Variants in POLE observed in about 807,000 individuals in gnomAD.
POLE encodes DNA polymerase epsilon catalytic subunit A.
POLE carries 188 observed loss-of-function variants against 279.2 expected under a neutral mutation model. That is an observed-to-expected ratio of 0.67 (90% CI 0.60 to 0.76). The LOEUF (loss-of-function observed/expected upper bound fraction) is 0.76. Ranked by LOEUF, POLE falls within the 30% of genes least tolerant of loss-of-function variation. The pLI is 0.00. For missense variants in POLE, 2,703 were observed against 3,016.7 expected (o/e 0.90, Z 2.44); for synonymous variants, 1,214 against 1,172.5 (o/e 1.04, Z -0.72).
At position 132,657,401 on chromosome 12, in the gene POLE, C is replaced by A. The variant is rs761355093; in HGVS notation, c.3407G>T (p.Arg1136Leu). ...AILDWDYYIE[R>L]LGSAIQKIIT... ...GATCTTCTGGATGGCGCTTCCCAGC[C>A]GCTCAATGTAGTAGTCCCAATCCAG... Residue 1136 changes from arginine to leucine, a missense_variant, in exon 28 of 49, where the codon CGG (arginine) becomes CTG (leucine). By Grantham distance (102) the Arg-to-Leu change is moderately radical. Transcript: ENST00000320574. 1 of 1,614,096 alleles carries A rather than the reference C, an allele frequency of 6.2e-7. No individual in the cohort carries two copies. The highest frequency in any genetic ancestry group is 8.5e-7 in the Non-Finnish European group (1 of 1,180,028).
At chr12:132,667,171 C>A (rs963028982) in intron 20 of POLE, among the ~76,000 whole-genome samples, 1 of 152,084 alleles carries the variant, frequency 6.6e-6, no homozygotes, top group Non-Finnish European at 1.5e-5. Flanking sequence ...CCCATGACAG[C>A]GGGAAAGAGA....
At chr12:132,633,841 C>T (rs186018329) in intron 43 of POLE, 762 of 208,294 alleles carry the variant, frequency 3.7e-3, no homozygotes, top group Non-Finnish European at 5.2e-3. Flanking sequence ...CGTGCACACA[C>T]ACAAATGTTC....
chr12:132,677,824 G>A, intron 6 of POLE, 105 bp from the exon 7 acceptor site: 3 of 1,093,100 alleles, frequency 2.7e-6, no homozygotes, highest in East Asian at 2.4e-5. Flanking sequence ...TTCAAACCGA[G>A]GAAACACAAA....
chr12:132,681,204 C>G lies in POLE; in HGVS notation c.138G>C (p.Leu46Phe), dbSNP rs200611521. ...ERSQWTDKMD[L>F]RFGFERLKEP... ...CCTTCAGCCGCTCAAAACCAAACCG[C>G]AAATCCATCTTATCCGTCCACTGAC... The change falls in exon 2 of 49, where the codon TTG becomes TTC. Residue 46 changes from leucine (L) to phenylalanine (F), a missense_variant. Physicochemically the swap from Leu to Phe is conservative, Grantham distance 22. Transcript: ENST00000320574. The G allele has an allele frequency of 1.2e-6, 2 of 1,614,196 alleles. No individual in the cohort carries two copies. Among genetic ancestry groups the G allele is most frequent in the Non-Finnish European group, 1.7e-6 (2 of 1,180,042 alleles).
Position 132,676,014 on chromosome 12 carries a change from G to T in POLE, c.1020+80C>A. On this transcript the variant is annotated intron_variant, in intron 10 of 48. Coordinates refer to ENST00000320574, the MANE Select transcript of POLE (RefSeq NM_006231.4). ...ATGGAGCTGCAATTCTGATCTGACG[G>T]AATGCCTGAGGCCTTGGAAAGATCC... 4.9e-6 allele frequency: 5 copies of T among 1,021,656 alleles called. No individual in the cohort carries two copies. The Admixed American group carries it at 6.1e-5, about 13-fold the overall frequency. 63.3% of individuals were successfully genotyped at this position (1,021,656 alleles called of 1,614,324 possible).
intron 46 of POLE, 94 bp downstream of exon 46, chr12:132,626,023 C>G (rs2041830878): frequency 7.7e-7 from 1 of 1,294,726 alleles, no homozygotes; most frequent in Non-Finnish European, 1.1e-6. Context: ...GCAGGTGTGA[C>G]CCACAGAGCT....
chr12:132,674,853 CCCTT>C lies in POLE; in HGVS notation c.1226+541_1226+544del, dbSNP rs1396818107. On this transcript the variant is annotated intron_variant, in intron 12 of 48. Transcript: ENST00000320574. ...CCTCCCTTCCCTTCCTTCCCTCCCT[CCCTT>C]CCCTTCCTTCCCTTCCCTCCTTTCC... 1.9e-4 allele frequency among the ~76,000 whole-genome samples: 28 copies of C among 145,704 alleles called. No individual in the cohort carries two copies. The East Asian group carries it at 4.8e-3, about 25-fold the overall frequency.
rs754773239 is a variant in POLE, at chr12:132,632,767, C to T, written c.6033G>A (p.Met2011Ile). 1.2e-6 allele frequency: 2 copies of T among 1,611,616 alleles called. No homozygotes were observed. Among genetic ancestry groups the T allele is most frequent in the Non-Finnish European group, 1.7e-6 (2 of 1,179,908 alleles). The stretch of plus-strand genomic sequence containing the variant: ...GAGCACTGCGCCTCAGCCCGTCCTT[C>T]ATGCAGTGGTACACGGCCACGATGT... ...SAYIVAVYHC[M>I]KDGLRRSAPG... The change falls in exon 44 of 49, where the codon ATG becomes ATA. Residue 2011 changes from methionine (M) to isoleucine (I), a missense_variant. Met to Ile is a conservative substitution (Grantham distance 10, BLOSUM62 1). This residue lies in a region of POLE where 1,551 missense variants were observed against 1,686.1 expected (regional missense o/e 0.92). Transcript: ENST00000320574.
chr12:132,655,329 A>C (rs1353473579), intron 29 of POLE, among the ~76,000 whole-genome samples: 1 of 151,800 alleles, frequency 6.6e-6, no homozygotes, highest in Non-Finnish European at 1.5e-5. Flanking sequence ...TTTTTTCTTA[A>C]ATTTCCAAAC....
Position 132,675,448 on chromosome 12 carries a change from G to C in POLE, c.1176C>G (p.Asp392Glu), listed in dbSNP as rs752873913. ...GGGGCGCCTTGTACTCCCCCTGGCT[G>C]TCCTTCTGGAAGCCTATCTCCTGCT... ...SMQQEIGFQK[D>E]SQGEYKAPQC... Residue 392 changes from aspartate to glutamate, a missense_variant, in exon 12 of 49, where the codon GAC becomes GAG. By Grantham distance (45) the Asp-to-Glu change is conservative (BLOSUM62 2). This residue lies in a region of POLE where 1,011 missense variants were observed against 1,111.7 expected (regional missense o/e 0.91). Coordinates refer to ENST00000320574, the MANE Select transcript of POLE (RefSeq NM_006231.4). The surrounding 1 kb of genome is among the most constrained non-coding windows in gnomAD (Gnocchi z 4.3). 6.2e-7 allele frequency: 1 copy of C among 1,614,162 alleles called. No individual in the cohort carries two copies. The highest frequency in any genetic ancestry group is 1.1e-5 in the South Asian group (1 of 91,086).
intron 20 of POLE, among the ~76,000 whole-genome samples, chr12:132,666,519 C>T (rs1414056949): frequency 6.6e-6 from 1 of 152,234 alleles, no homozygotes; most frequent in Admixed American, 6.5e-5. Context: ...GAGGTGGAGG[C>T]TGCAGTGAGC....
chr12:132,668,559 C>A lies in POLE; in HGVS notation c.2027-57G>T. 1.3e-6 allele frequency: 2 copies of A among 1,583,074 alleles called. No individual in the cohort carries two copies. Among genetic ancestry groups the A allele is most frequent in the Non-Finnish European group, 8.6e-7 (1 of 1,159,336 alleles). ...AGGAGGCACAGACACACCGGCTTCC[C>A]ACCAAGTGGAGAAAGGCGGCCGACA... is the stretch of plus-strand genomic sequence containing the variant. On this transcript the variant is annotated intron_variant, in intron 18 of 48. Coordinates refer to ENST00000320574, the MANE Select transcript of POLE (RefSeq NM_006231.4). This position sits in a 1 kb window ranked among gnomAD's most constrained non-coding sequence, Gnocchi z 4.0.
intron 1 of POLE, among the ~76,000 whole-genome samples, chr12:132,683,446 G>A (rs79637518): frequency 1.1e-3 from 167 of 152,206 alleles, no homozygotes; most frequent in Non-Finnish European, 1.4e-3. Flanking sequence ...TTCATATTAC[G>A]ACTTCTGACT....
In POLE at chr12:132,639,238, A is replaced by AAC; in HGVS notation, c.5438_5439insGT (p.Tyr1813Ter). ...AGAAGTGCATCACCTGGTTGTCTGC[A>AAC]TAGATGTTGTGGTACTGGGTGATCT... ...VKEITQYHNI[Y>*]ADNQVMHFYR... is the part of the protein sequence containing the mutation. The change falls in exon 40 of 49, where the codon TAT becomes TAGTT. Residue 1813 changes from tyrosine to a stop codon, truncating the protein, a stop_gained and frameshift_variant. Transcript: ENST00000320574. LOFTEE classifies it high-confidence loss of function. The surrounding 1 kb of genome is among the most constrained non-coding windows in gnomAD (Gnocchi z 4.7). 6.2e-7 allele frequency: 1 copy of AAC among 1,614,178 alleles called. No individual in the cohort carries two copies. Among genetic ancestry groups the AAC allele is most frequent in the Middle Eastern group, 1.6e-4 (1 of 6,062 alleles).
Position 132,639,402 on chromosome 12 carries a change from G to C in POLE, c.5379-104C>G. 9.2e-7 allele frequency: 1 copy of C among 1,089,394 alleles called. No homozygotes were observed. The highest frequency in any genetic ancestry group is 1.3e-6 in the Non-Finnish European group (1 of 754,210). The allele number at this position is 1,089,394 out of a possible 1,614,324, so 67.5% of individuals were successfully genotyped here. On this transcript the variant is annotated intron_variant, in intron 39 of 48. Transcript: ENST00000320574. The surrounding 1 kb of genome is among the most constrained non-coding windows in gnomAD (Gnocchi z 4.7). ...GGCACAGGTTTTCCCTACACGGCTG[G>C]GTCCAAATCCGTCACTGTCGCCTCC...
In POLE at chr12:132,680,056, A is replaced by T; in HGVS notation, c.331-10T>A. 6.2e-7 allele frequency: 1 copy of T among 1,612,100 alleles called. No individual in the cohort carries two copies. Among genetic ancestry groups the T allele is most frequent in the Non-Finnish European group, 8.5e-7 (1 of 1,178,466 alleles). On this transcript the variant is annotated splice_polypyrimidine_tract_variant and intron_variant, in intron 4 of 48. Transcript: ENST00000320574. ...CTTCTCGCTCACAACCCTAATCAGGATCAGAATGAAAAGGCTTTCCATTGG... is the reference window on the plus strand; with the variant it reads ...CTTCTCGCTCACAACCCTAATCAGGTTCAGAATGAAAAGGCTTTCCATTGG...
chr12:132,666,243 A>G (rs918164985), intron 20 of POLE, among the ~76,000 whole-genome samples: 1 of 152,248 alleles, frequency 6.6e-6, no homozygotes, highest in Admixed American at 6.5e-5. Context: ...TTATTCAGCC[A>G]TTTACAAAAA....
intron 40 of POLE, chr12:132,638,885 C>CT: frequency 1.9e-6 from 1 of 538,670 alleles, no homozygotes; most frequent in Middle Eastern, 5.1e-4. Context: ...TGTAGCATGA[C>CT]TTTGTGCAGG....
In POLE at chr12:132,675,199, T is replaced by C. The variant is rs2043016648; in HGVS notation, c.1226+199A>G. On this transcript the variant is annotated intron_variant, in intron 12 of 48. Coordinates refer to ENST00000320574, the MANE Select transcript of POLE (RefSeq NM_006231.4). This position sits in a 1 kb window ranked among gnomAD's most constrained non-coding sequence, Gnocchi z 4.3. ...GATGCTCAATGTGCCTGGTCACTGA[T>C]GAATTGTCAGTCAACAGTCAAAGAC... Among the ~76,000 whole-genome samples the C allele has an allele frequency of 6.6e-6, 1 of 152,192 alleles. No homozygotes were observed. The highest frequency in any genetic ancestry group is 2.1e-4 in the South Asian group (1 of 4,834).
Sources: allele counts gnomAD v4.1 joint callset (sites outside exome capture counted in the v4.1 genomes callset), GRCh38; gene constraint gnomAD v4.1.1; regional missense constraint gnomAD v4.1.1; non-coding constraint Gnocchi (gnomAD v3.1); transcripts MANE v1.5; gene names NCBI Gene and HGNC (gene_info 2026-07-23, HGNC 2026-07-21).